Variants in CFAP299 observed in about 807,000 individuals in gnomAD.
The protein encoded by CFAP299 is cilia and flagella associated protein 299, also known as cilia- and flagella-associated protein 299.
Under a neutral mutation model 27.0 loss-of-function variants are expected in CFAP299, and 21 were observed. That is an observed-to-expected ratio of 0.78 (90% CI 0.55 to 1.12). CFAP299 has a LOEUF of 1.12. Ranked by LOEUF, CFAP299 falls within the 50% of genes most tolerant of loss-of-function variation. The pLI is 0.00. For missense variants in CFAP299, 310 were observed against 276.6 expected (o/e 1.12, Z -0.86); for synonymous variants, 104 against 98.1 (o/e 1.06, Z -0.36).
At chr4:80,475,957 CA>C (rs1238323978) in intron 2 of CFAP299, among the ~76,000 whole-genome samples, 1 of 152,176 alleles carries the variant, frequency 6.6e-6, no homozygotes, top group African/African-American at 2.4e-5. Flanking sequence ...CAGTAAACAA[CA>C]ATGTTGCTCA....
chr4:80,797,699 A>G (rs188407473), intron 3 of CFAP299, among the ~76,000 whole-genome samples: 1 of 152,160 alleles, frequency 6.6e-6, no homozygotes, highest in African/African-American at 2.4e-5. Flanking sequence ...TCAAAGATGC[A>G]GGTTCTGCCC....
At chr4:80,398,035 C>T (rs1337771175) in intron 2 of CFAP299, among the ~76,000 whole-genome samples, 1 of 152,128 alleles carries the variant, frequency 6.6e-6, no homozygotes, top group Non-Finnish European at 1.5e-5. Flanking sequence ...CATTCTTATA[C>T]ACCAATAACA....
chr4:80,512,004 T>G (rs1326304600), intron 2 of CFAP299, among the ~76,000 whole-genome samples: 2 of 152,182 alleles, frequency 1.3e-5, no homozygotes, highest in Non-Finnish European at 2.9e-5. Context: ...TTTTATAAGT[T>G]TTTTTAAACA....
At chr4:80,423,599 A>T (rs1215322458) in intron 2 of CFAP299, among the ~76,000 whole-genome samples, 1 of 152,104 alleles carries the variant, frequency 6.6e-6, no homozygotes, top group African/African-American at 2.4e-5. Context: ...GCATGGAGCT[A>T]AACAGATGTC....
chr4:80,391,405 G>A (rs955382409), intron 2 of CFAP299, among the ~76,000 whole-genome samples: 2 of 151,766 alleles, frequency 1.3e-5, no homozygotes, highest in East Asian at 1.9e-4. Context: ...TTTGATAATC[G>A]CCATTCTAAC....
At chr4:80,726,337 T>G (rs1723160495) in intron 3 of CFAP299, among the ~76,000 whole-genome samples, 1 of 152,116 alleles carries the variant, frequency 6.6e-6, no homozygotes, top group South Asian at 2.1e-4. Flanking sequence ...AGTTTTGTGG[T>G]TTTTGCCTTT....
At chr4:80,528,322 A>G (rs1458840332) in intron 2 of CFAP299, among the ~76,000 whole-genome samples, 1 of 151,328 alleles carries the variant, frequency 6.6e-6, no homozygotes, top group African/African-American at 2.4e-5. Context: ...GTTTGAAAAG[A>G]AAAAAAAGGC....
chr4:80,321,460 C>T, the CFAP299 span, among the ~76,000 whole-genome samples: 4 of 152,096 alleles, frequency 2.6e-5, no homozygotes, highest in Non-Finnish European at 5.9e-5. Flanking sequence ...TGCTCCAGGC[C>T]GTGGTGGGTG....
chr4:80,779,862 AC>A (rs998097937), intron 3 of CFAP299, among the ~76,000 whole-genome samples: 2 of 152,048 alleles, frequency 1.3e-5, no homozygotes, highest in African/African-American at 4.8e-5. Context: ...TTTGAAGAAA[AC>A]AGGCAAAATT....
intron 4 of CFAP299, among the ~76,000 whole-genome samples, chr4:80,915,714 G>A (rs541292925): frequency 2.4e-4 from 37 of 151,828 alleles, no homozygotes; most frequent in African/African-American, 8.9e-4. Flanking sequence ...TATCATTACA[G>A]CTTTGAGAGT....
intron 3 of CFAP299, among the ~76,000 whole-genome samples, chr4:80,836,477 G>T (rs1037082722): frequency 6.6e-6 from 1 of 152,148 alleles, no homozygotes; most frequent in Non-Finnish European, 1.5e-5. Flanking sequence ...CACATTCTTT[G>T]GTTCATGGCC....
intron 2 of CFAP299, among the ~76,000 whole-genome samples, chr4:80,529,284 A>T (rs1255869235): frequency 1.3e-5 from 2 of 152,144 alleles, no homozygotes; most frequent in Non-Finnish European, 2.9e-5. Context: ...CCTGGCAATA[A>T]ATATGACTTA....
At chr4:80,774,212 A>C (rs2110085927) in intron 3 of CFAP299, among the ~76,000 whole-genome samples, 1 of 152,086 alleles carries the variant, frequency 6.6e-6, no homozygotes, top group East Asian at 1.9e-4. Context: ...ATCAGTATTA[A>C]TTTGAAGACT....
intron 3 of CFAP299, among the ~76,000 whole-genome samples, chr4:80,772,609 A>G (rs955078282): frequency 5.9e-5 from 9 of 151,980 alleles, no homozygotes; most frequent in South Asian, 2.1e-4. Context: ...GATTTGTTAC[A>G]TAGGTAAACA....
At position 80,543,925 on chromosome 4, in the gene CFAP299, C is replaced by G. The variant is rs567636656; in HGVS notation, c.243-39168C>G. On this transcript the variant is annotated intron_variant, in intron 2 of 5. Coordinates refer to ENST00000358105, the MANE Select transcript of CFAP299 (RefSeq NM_152770.3). ...ATGGTCAGTGGAAAAGAAAAAAAAT[C>G]TTAAAGGTCTTAAGACAGCTAGAGA... Among the ~76,000 whole-genome samples, 9 of 151,588 alleles carry G rather than the reference C, an allele frequency of 5.9e-5. No homozygotes were observed. The East Asian group carries it at 1.7e-3, about 29-fold the overall frequency.
chr4:80,389,061 T>C (rs1364521039), intron 2 of CFAP299, among the ~76,000 whole-genome samples: 1 of 152,166 alleles, frequency 6.6e-6, no homozygotes, highest in Non-Finnish European at 1.5e-5. Context: ...CAGATGATCA[T>C]ACTATTTTTT....
intron 3 of CFAP299, among the ~76,000 whole-genome samples, chr4:80,596,285 T>C (rs1737055760): frequency 6.6e-6 from 1 of 152,160 alleles, no homozygotes. Flanking sequence ...CTTAAATAGT[T>C]TAAATATTTT....
At chr4:80,461,742 A>G (rs1205439625) in intron 2 of CFAP299, among the ~76,000 whole-genome samples, 3 of 152,194 alleles carry the variant, frequency 2.0e-5, no homozygotes, top group Non-Finnish European at 4.4e-5. Flanking sequence ...TACCAGTTAT[A>G]TTCAGGGATC....
intron 4 of CFAP299, chr4:80,870,404 G>T: frequency 9.2e-7 from 1 of 1,088,878 alleles, no homozygotes; most frequent in South Asian, 3.6e-5. Context: ...CCTAAATTTT[G>T]TTAACCTCAT....
Sources: allele counts gnomAD v4.1 joint callset (sites outside exome capture counted in the v4.1 genomes callset), GRCh38; gene constraint gnomAD v4.1.1; transcripts MANE v1.5; gene names NCBI Gene and HGNC (gene_info 2026-07-23, HGNC 2026-07-21).